Variants in FER observed in about 807,000 individuals in gnomAD.
FER encodes the protein FER tyrosine kinase, also known as tyrosine-protein kinase Fer.
FER carries 63 observed loss-of-function variants against 111.0 expected under a neutral mutation model. The observed-to-expected ratio is 0.57, with a 90% CI of 0.46 to 0.70. FER has a LOEUF of 0.70. Among genes scored for constraint, FER ranks in the 30% least tolerant of loss-of-function variants. The probability of loss-of-function intolerance (pLI) is 0.00; values close to 1 mark genes in which losing one functional copy is unlikely to be tolerated. For synonymous variants in FER, 327 were observed against 313.9 expected (o/e 1.04, Z -0.44); for missense variants, 914 against 954.0 (o/e 0.96, Z 0.55).
intron 1 of FER, among the ~76,000 whole-genome samples, chr5:108,767,840 C>G (rs898161342): frequency 6.6e-6 from 1 of 152,164 alleles, no homozygotes; most frequent in South Asian, 2.1e-4. Context: ...TGAATTACCT[C>G]TTGAAAACTG....
At chr5:109,076,469 G>T (rs984012890) in intron 16 of FER, among the ~76,000 whole-genome samples, 5 of 151,852 alleles carry the variant, frequency 3.3e-5, no homozygotes, top group Non-Finnish European at 7.4e-5. Flanking sequence ...TTGCTCTGTC[G>T]CCAGGCTTGG....
intron 13 of FER, among the ~76,000 whole-genome samples, chr5:108,988,323 A>G (rs1257828986): frequency 1.3e-5 from 2 of 152,000 alleles, no homozygotes. Context: ...TTTAGGGAGT[A>G]TTTTCTCTTT....
chr5:108,917,870 C>A (rs1238375845), intron 10 of FER, among the ~76,000 whole-genome samples: 1 of 152,118 alleles, frequency 6.6e-6, no homozygotes, highest in Non-Finnish European at 1.5e-5. Context: ...GACTGTGCTC[C>A]CTGAATAAGT....
chr5:109,025,919 AG>A (rs1305437348), intron 13 of FER, among the ~76,000 whole-genome samples: 2 of 152,206 alleles, frequency 1.3e-5, no homozygotes, highest in African/African-American at 4.8e-5. Flanking sequence ...GAACCTGAAA[AG>A]GGTCTGTATC....
intron 8 of FER, among the ~76,000 whole-genome samples, chr5:108,873,530 C>G (rs1258194162): frequency 1.3e-5 from 2 of 152,140 alleles, no homozygotes; most frequent in Non-Finnish European, 2.9e-5. Context: ...AAGATGAAGG[C>G]TTAGTAATTA....
chr5:109,173,100 C>G (rs1296907268), intron 17 of FER, among the ~76,000 whole-genome samples: 1 of 152,158 alleles, frequency 6.6e-6, no homozygotes, highest in Non-Finnish European at 1.5e-5. Context: ...TATGTGGAAT[C>G]TGCACTTGTA....
At chr5:108,861,130 A>G (rs1763476979) in intron 5 of FER, among the ~76,000 whole-genome samples, 1 of 152,210 alleles carries the variant, frequency 6.6e-6, no homozygotes, top group African/African-American at 2.4e-5. Context: ...GGAAAATTGT[A>G]AGGTGGTGGA....
At chr5:108,993,294 C>T (rs915040594) in intron 13 of FER, among the ~76,000 whole-genome samples, 1 of 152,232 alleles carries the variant, frequency 6.6e-6, no homozygotes, top group Non-Finnish European at 1.5e-5. Flanking sequence ...CCCGGCACCT[C>T]GGGAGGCCGA....
At chr5:109,078,075 A>G (rs370385957) in intron 16 of FER, among the ~76,000 whole-genome samples, 2 of 152,202 alleles carry the variant, frequency 1.3e-5, no homozygotes, top group African/African-American at 4.8e-5. Flanking sequence ...TAAAAGTCCA[A>G]GGCTGGGCCC....
At chr5:108,765,402 G>A (rs1752209589) in intron 1 of FER, among the ~76,000 whole-genome samples, 1 of 152,168 alleles carries the variant, frequency 6.6e-6, no homozygotes, top group African/African-American at 2.4e-5. Flanking sequence ...CATGGGTCCT[G>A]TGACTAGCTT....
chr5:108,826,097 T>C (rs1288258992), intron 3 of FER, among the ~76,000 whole-genome samples: 1 of 152,220 alleles, frequency 6.6e-6, no homozygotes, highest in African/African-American at 2.4e-5. Context: ...TTGAGATACA[T>C]TGATTCTATA....
At chr5:109,184,842 T>TAA (rs1173261255) in intron 18 of FER, among the ~76,000 whole-genome samples, 2 of 152,218 alleles carry the variant, frequency 1.3e-5, no homozygotes, top group East Asian at 3.8e-4. Context: ...TGGTTTTCAC[T>TAA]AAGTACTTTT....
intron 13 of FER, among the ~76,000 whole-genome samples, chr5:108,994,702 G>A (rs747571116): frequency 6.6e-6 from 1 of 152,186 alleles, no homozygotes; most frequent in African/African-American, 2.4e-5. Context: ...GCTTTGGGCA[G>A]TATGGCCTTT....
chr5:108,992,971 T>C (rs1383640016), intron 13 of FER, among the ~76,000 whole-genome samples: 8 of 141,870 alleles, frequency 5.6e-5, no homozygotes, highest in Non-Finnish European at 9.2e-5. Flanking sequence ...CCTCACTTCC[T>C]AGATGGGATG....
chr5:109,130,016 A>T (rs920301842), intron 17 of FER, among the ~76,000 whole-genome samples: 1 of 139,670 alleles, frequency 7.2e-6, no homozygotes, highest in African/African-American at 2.6e-5. Flanking sequence ...TCATATTTAT[A>T]CATGAATAGT....
chr5:108,821,528 G>A (rs1261570749), intron 3 of FER, among the ~76,000 whole-genome samples: 1 of 152,034 alleles, frequency 6.6e-6, no homozygotes, highest in African/African-American at 2.4e-5. Context: ...ATATGGTAGT[G>A]GTAGTCTTGC....
At chr5:108,949,014 C>G (rs1757375318) in intron 11 of FER, among the ~76,000 whole-genome samples, 1 of 152,016 alleles carries the variant, frequency 6.6e-6, no homozygotes, top group Non-Finnish European at 1.5e-5. Flanking sequence ...TTTAGAATTA[C>G]TTTGTACTAG....
rs578046917 is a variant in FER at position 109,195,270 on chromosome 5, A to G, written c.*7695A>G. On this transcript the variant is annotated 3_prime_UTR_variant, in exon 20 of 20. Transcript: ENST00000281092. Reference sequence around the variant, plus strand: ...GCTTGTATTTAGACTATAAGATGCTATGGAGGTCTATCCCATGCCATGCCA... The same window carrying G: ...GCTTGTATTTAGACTATAAGATGCTGTGGAGGTCTATCCCATGCCATGCCA... 7 of 152,256 alleles carry G rather than the reference A, an allele frequency of 4.6e-5. No individual in the cohort carries two copies. The South Asian group carries it at 1.4e-3, about 32-fold the overall frequency. 9.4% of individuals were successfully genotyped at this position (152,256 alleles called of 1,614,324 possible). A position where few individuals can be genotyped will look rare whatever the true frequency, so the allele number is the denominator to read the frequency against.
chr5:109,191,102 T>G lies in FER; in HGVS notation c.*3527T>G, dbSNP rs538782384. On this transcript the variant is annotated 3_prime_UTR_variant, in exon 20 of 20. Transcript: ENST00000281092. ...AGATTATGTCAAGAAGAAAGTGTTT[T>G]AGTTACAACATACGCCACCCACTGA... The G allele has an allele frequency of 1.3e-5, 2 of 152,306 alleles. No homozygotes were observed. The highest frequency in any genetic ancestry group is 4.1e-4 in the South Asian group (2 of 4,828). 9.4% of individuals were successfully genotyped at this position (152,306 alleles called of 1,614,324 possible). A position where few individuals can be genotyped will look rare whatever the true frequency, so the allele number is the denominator to read the frequency against.
Sources: allele counts gnomAD v4.1 joint callset (sites outside exome capture counted in the v4.1 genomes callset), GRCh38; gene constraint gnomAD v4.1.1; transcripts MANE v1.5; gene names NCBI Gene and HGNC (gene_info 2026-07-23, HGNC 2026-07-21).